The following JAZF1 variants were observed in gnomAD, a reference collection of about 807,000 sequenced individuals.
The protein encoded by JAZF1 is JAZF zinc finger 1.
A neutral mutation model predicts 26.4 loss-of-function variants in JAZF1; 8 were observed. The observed-to-expected ratio is 0.30, with a 90% CI of 0.18 to 0.55. JAZF1 has a LOEUF of 0.55. Ranked by LOEUF, JAZF1 falls within the 20% of genes least tolerant of loss-of-function variation. The pLI, the probability that JAZF1 is intolerant of heterozygous loss-of-function variation, is 0.94. For synonymous variants in JAZF1, 126 were observed against 122.3 expected (o/e 1.03, Z -0.20); for missense variants, 199 against 322.0 (o/e 0.62, Z 2.92).
At chr7:27,942,891 T>C (rs1784870139) in intron 2 of JAZF1, among the ~76,000 whole-genome samples, 1 of 152,150 alleles carries the variant, frequency 6.6e-6, no homozygotes, top group Admixed American at 6.5e-5. Flanking sequence ...GGCCTTTGCA[T>C]GGGGCAAGGG....
intron 3 of JAZF1, among the ~76,000 whole-genome samples, chr7:27,847,292 G>A (rs1003010372): frequency 6.6e-6 from 1 of 151,452 alleles, no homozygotes; most frequent in African/African-American, 2.4e-5. Context: ...GCCCAGCTAT[G>A]CAGTCTCGTT....
chr7:27,837,686 G>A (rs1476518571), intron 4 of JAZF1, among the ~76,000 whole-genome samples: 1 of 152,074 alleles, frequency 6.6e-6, no homozygotes, highest in Non-Finnish European at 1.5e-5. Flanking sequence ...AGAAAGGAGT[G>A]GAATTAAAAT....
intron 3 of JAZF1, among the ~76,000 whole-genome samples, chr7:27,873,953 A>C (rs774949941): frequency 1.3e-5 from 2 of 152,240 alleles, no homozygotes; most frequent in Non-Finnish European, 2.9e-5. Flanking sequence ...GATCATGTAT[A>C]ATTCAGTCAA....
Position 28,005,183 on chromosome 7 carries a change from A to G in JAZF1, c.116-13202T>C, listed in dbSNP as rs570466249. ...TTATTTTTCTTCACAGTATGTGCCT[A>G]CAATTAATAAGACCACATCACTTTA... On this transcript the variant is annotated intron_variant, in intron 1 of 4. Transcript: ENST00000283928. Among the ~76,000 whole-genome samples the G allele has an allele frequency of 1.7e-4, 26 of 152,302 alleles. No individual in the cohort carries two copies. In the South Asian group the frequency reaches 4.6e-3, roughly 27 times the overall value.
At chr7:28,110,333 G>A (rs1353710116) in intron 1 of JAZF1, among the ~76,000 whole-genome samples, 2 of 151,652 alleles carry the variant, frequency 1.3e-5, no homozygotes, top group African/African-American at 4.9e-5. Flanking sequence ...GGCTGCGGGA[G>A]GAGAATCACT....
intron 1 of JAZF1, among the ~76,000 whole-genome samples, chr7:28,136,208 C>G (rs1317722717): frequency 6.6e-6 from 1 of 152,228 alleles, no homozygotes; most frequent in Non-Finnish European, 1.5e-5. Flanking sequence ...ATAACTCTCA[C>G]ACTCTATTCT....
At chr7:28,052,815 C>A (rs901390469) in intron 1 of JAZF1, among the ~76,000 whole-genome samples, 1 of 144,804 alleles carries the variant, frequency 6.9e-6, no homozygotes, top group African/African-American at 2.6e-5. Context: ...AGTATGGATA[C>A]TGGCTTTTTT....
intron 1 of JAZF1, among the ~76,000 whole-genome samples, chr7:28,055,639 C>G (rs1332843899): frequency 6.6e-6 from 1 of 152,170 alleles, no homozygotes; most frequent in African/African-American, 2.4e-5. Context: ...TTACTACATA[C>G]AATGTAAGCT....
chr7:28,167,080 C>A (rs945519835), intron 1 of JAZF1, among the ~76,000 whole-genome samples: 12 of 152,116 alleles, frequency 7.9e-5, no homozygotes, highest in African/African-American at 2.9e-4. Context: ...GATCTCCAGG[C>A]CCTTCATAGT....
At chr7:28,001,080 G>A (rs185791447) in intron 1 of JAZF1, among the ~76,000 whole-genome samples, 244 of 152,084 alleles carry the variant, frequency 1.6e-3, no homozygotes, top group Admixed American at 4.1e-3. Context: ...CTGGCCGGGC[G>A]CAGTGGCTCA....
intron 2 of JAZF1, among the ~76,000 whole-genome samples, chr7:27,990,285 G>A (rs377194321): frequency 5.9e-5 from 9 of 152,292 alleles, no homozygotes; most frequent in East Asian, 5.8e-4. Flanking sequence ...AGCCTGTCGC[G>A]AGGTGGGGGG....
chr7:27,899,343 G>GGTTAAGCAA (rs755356302), intron 2 of JAZF1, among the ~76,000 whole-genome samples: 51 of 152,330 alleles, frequency 3.3e-4, no homozygotes, highest in Non-Finnish European at 5.7e-4. Flanking sequence ...GCTGAGTTCA[G>GGTTAAGCAA]GTTAAGCAAG....
At chr7:27,962,097 T>C (rs1785194815) in intron 2 of JAZF1, among the ~76,000 whole-genome samples, 1 of 152,244 alleles carries the variant, frequency 6.6e-6, no homozygotes, top group Non-Finnish European at 1.5e-5. Context: ...ATATCAACTT[T>C]TGTTTGATGT....
At chr7:28,179,060 C>T (rs1190041968) in intron 1 of JAZF1, among the ~76,000 whole-genome samples, 1 of 152,242 alleles carries the variant, frequency 6.6e-6, no homozygotes, top group Non-Finnish European at 1.5e-5. Context: ...CATAAATACA[C>T]AGCAGTCGTG....
chr7:27,946,880 G>A (rs1784931317), intron 2 of JAZF1, among the ~76,000 whole-genome samples: 1 of 152,134 alleles, frequency 6.6e-6, no homozygotes, highest in African/African-American at 2.4e-5. Flanking sequence ...AGTAAACTAC[G>A]GTGGTCTTTT....
At chr7:28,057,848 A>G (rs576309506) in intron 1 of JAZF1, among the ~76,000 whole-genome samples, 1 of 152,318 alleles carries the variant, frequency 6.6e-6, no homozygotes, top group African/African-American at 2.4e-5. Flanking sequence ...TTCCTTGATC[A>G]ATCTTGGCAG....
At chr7:27,992,031 T>C (rs1211184508) in intron 1 of JAZF1, 50 bp from the exon 2 acceptor site, 3 of 1,079,984 alleles carry the variant, frequency 2.8e-6, no homozygotes, top group Admixed American at 3.4e-5. Context: ...CATCAGAATA[T>C]ATGAGGCTAC....
At chr7:27,969,015 A>AT (rs1475783584) in intron 2 of JAZF1, among the ~76,000 whole-genome samples, 1 of 152,206 alleles carries the variant, frequency 6.6e-6, no homozygotes, top group Non-Finnish European at 1.5e-5. Flanking sequence ...TAAGAGTAAC[A>AT]TAGCACTCTT....
chr7:27,833,686 T>C (rs566034458), intron 4 of JAZF1, among the ~76,000 whole-genome samples: 21 of 152,372 alleles, frequency 1.4e-4, no homozygotes, highest in African/African-American at 5.1e-4. Flanking sequence ...TATATAATGT[T>C]AGTCACTAAG....
Sources: allele counts gnomAD v4.1 joint callset (sites outside exome capture counted in the v4.1 genomes callset), GRCh38; gene constraint gnomAD v4.1.1; transcripts MANE v1.5; gene names NCBI Gene and HGNC (gene_info 2026-07-23, HGNC 2026-07-21).